Variants in MZF1 observed in about 807,000 individuals in gnomAD.
The protein encoded by MZF1 is zinc finger and SCAN domain-containing protein 6.
Under a neutral mutation model 28.6 loss-of-function variants are expected in MZF1, and 24 were observed. That is an observed-to-expected ratio of 0.84 (90% CI 0.61 to 1.18). MZF1 has a LOEUF of 1.18. Ranked by LOEUF, MZF1 falls within the 50% of genes most tolerant of loss-of-function variation. The pLI, the probability that MZF1 is intolerant of heterozygous loss-of-function variation, is 0.00. For missense variants in MZF1, 1,166 were observed against 1,026.4 expected, an observed-to-expected ratio of 1.14 and a Z score of -1.86; for synonymous variants, 516 against 432.5, an observed-to-expected ratio of 1.19 and a Z score of -2.40.
chr19:58,565,065 C>T (rs1282171060), intron 5 of MZF1, among the ~76,000 whole-genome samples: 2 of 149,980 alleles, frequency 1.3e-5, no homozygotes, highest in Non-Finnish European at 3.0e-5. Context: ...GGATTATAGG[C>T]GTGCACCACC....
chr19:58,562,550 T>A lies in MZF1; in HGVS notation c.1727A>T (p.Lys576Met), dbSNP rs1362928544. 1 of 1,605,204 alleles carries A rather than the reference T, an allele frequency of 6.2e-7. No homozygotes were observed. The highest frequency in any genetic ancestry group is 8.5e-7 in the Non-Finnish European group (1 of 1,177,312). ...GAGCGTAGGCCGCTGGCGGAAGGCC[T>A]TGCCACACTCGGCGCAGGCGAAGGG... is the stretch of plus-strand genomic sequence containing the variant. Reference protein sequence around the residue: ...ERPFACAECGKAFRQRPTLTQ... With the variant: ...ERPFACAECGMAFRQRPTLTQ... Residue 576 changes from lysine (K) to methionine (M), a missense_variant, in exon 6 of 6, where the codon AAG (lysine) becomes ATG (methionine). Lys to Met is a moderately conservative substitution (Grantham distance 95). Transcript: ENST00000215057.
rs765136943 is a variant in MZF1, at chr19:58,562,566, A to T, written c.1711T>A (p.Cys571Ser). Reference protein sequence around the residue: ...RIHTGERPFACAECGKAFRQR... With the variant: ...RIHTGERPFASAECGKAFRQR... Reference sequence around the variant, plus strand: ...CGGAAGGCCTTGCCACACTCGGCGCAGGCGAAGGGCCGCTCCCCGGTGTGG... The same window carrying T: ...CGGAAGGCCTTGCCACACTCGGCGCTGGCGAAGGGCCGCTCCCCGGTGTGG... Residue 571 changes from cysteine (C) to serine (S), a missense_variant, in exon 6 of 6, where the codon TGC (cysteine) becomes AGC (serine). Coordinates refer to ENST00000215057, the MANE Select transcript of MZF1 (RefSeq NM_198055.2). 28 of 1,599,438 alleles carry T rather than the reference A, an allele frequency of 1.8e-5. No homozygotes were observed. In the Admixed American group the frequency reaches 4.5e-4, roughly 26 times the overall value.
chr19:58,562,888 G>A lies in MZF1; in HGVS notation c.1389C>T (p.Gly463=). 6.4e-7 allele frequency: 1 copy of A among 1,566,622 alleles called. No individual in the cohort carries two copies. The highest frequency in any genetic ancestry group is 2.3e-5 in the East Asian group (1 of 43,354). Residue 463 remains glycine (G), a synonymous_variant, in exon 6 of 6, where the codon GGC becomes GGT. Transcript: ENST00000215057. ...SNLLQHQRIH[G]DPPGPGAKPP... The stretch of plus-strand genomic sequence containing the variant: ...GCTTAGCGCCAGGGCCCGGGGGATC[G>A]CCGTGGATGCGCTGGTGCTGCAGCA...
In MZF1 at chr19:58,564,898, G is replaced by GTTTTTTTT. The variant is rs1600099960; in HGVS notation, c.773-1395_773-1394insAAAAAAAA. On this transcript the variant is annotated intron_variant, in intron 5 of 5. Coordinates refer to ENST00000215057, the MANE Select transcript of MZF1 (RefSeq NM_198055.2). ...CAGGGTGGAGAATAAGCATCCATGT[G>GTTTTTTTT]TGTGTTTTTTTTTTTTTTTTTTTTT... Among the ~76,000 whole-genome samples the GTTTTTTTT allele has an allele frequency of 1.1e-3, 98 of 91,940 alleles. 18 individuals are homozygous for GTTTTTTTT. The highest frequency in any genetic ancestry group is 4.7e-3 in the African/African-American group (89 of 18,940). 60.3% of individuals were successfully genotyped at this position (91,940 alleles called of 152,430 possible).
chr19:58,569,761 T>C, intron 3 of MZF1, 175 bp from the exon 4 acceptor site: 1 of 581,876 alleles, frequency 1.7e-6, no homozygotes. Context: ...TGAAGCAGAG[T>C]ACCCTGGAAG....
Position 58,568,203 on chromosome 19 carries a change from C to T in MZF1, c.772+1074G>A, listed in dbSNP as rs1477367815. ...AAGGTTACAGTAAGCTATGATGGCA[C>T]CACTGTGCTCTAGTCTGTGTGAAAT... is the stretch of plus-strand genomic sequence containing the variant. On this transcript the variant is annotated intron_variant, in intron 5 of 5. Coordinates refer to ENST00000215057, the MANE Select transcript of MZF1 (RefSeq NM_198055.2). 3.9e-5 allele frequency: 6 copies of T among 152,264 alleles called. 1 individual carries two copies. In the Middle Eastern group the frequency reaches 0.014, roughly 345 times the overall value. 9.4% of individuals were successfully genotyped at this position (152,264 alleles called of 1,614,324 possible). A position where few individuals can be genotyped will look rare whatever the true frequency, so the allele number is the denominator to read the frequency against.
Position 58,562,022 on chromosome 19 carries a change from G to T in MZF1, c.*50C>A. ...GTAATCGCCAGCCTCACAATAACCA[G>T]GGGAGGTAGGTGTTCTGACCATGGC... On this transcript the variant is annotated 3_prime_UTR_variant, in exon 6 of 6. Transcript: ENST00000215057. 1 of 1,515,280 alleles carries T rather than the reference G, an allele frequency of 6.6e-7. No individual in the cohort carries two copies. Among genetic ancestry groups the T allele is most frequent in the Non-Finnish European group, 8.9e-7 (1 of 1,125,894 alleles). 93.9% of individuals were successfully genotyped at this position (1,515,280 alleles called of 1,614,324 possible).
At position 58,563,443 on chromosome 19, in the gene MZF1, G is replaced by A. The variant is rs1439009877; in HGVS notation, c.834C>T (p.His278=). The part of the protein sequence containing the change: ...AGPGSVSPHL[H]VPWDLGMAGL... ...CAGCCATGCCGAGGTCCCAGGGGACGTGGAGGTGAGGGCTTACACTACCTG... is the reference window on the plus strand; with the variant it reads ...CAGCCATGCCGAGGTCCCAGGGGACATGGAGGTGAGGGCTTACACTACCTG... Residue 278 remains histidine, a synonymous_variant, in exon 6 of 6, where the codon CAC becomes CAT. Transcript: ENST00000215057. 3 of 1,585,230 alleles carry A rather than the reference G, an allele frequency of 1.9e-6. No homozygotes were observed. Among genetic ancestry groups the A allele is most frequent in the Non-Finnish European group, 1.7e-6 (2 of 1,165,588 alleles).
chr19:58,568,741 G>C (rs1391098437), intron 5 of MZF1: 2 of 153,564 alleles, frequency 1.3e-5, no homozygotes, highest in Middle Eastern at 3.4e-3. Context: ...GAACATAACA[G>C]AAGATGGGTT....
Position 58,571,230 on chromosome 19 carries a change from C to T in MZF1, c.160G>A (p.Glu54Lys). 6.2e-7 allele frequency: 1 copy of T among 1,612,628 alleles called. No homozygotes were observed. The highest frequency in any genetic ancestry group is 1.1e-5 in the South Asian group (1 of 90,910). Residue 54 changes from glutamate to lysine, a missense_variant, in exon 2 of 6, where the codon GAG becomes AAG. Transcript: ENST00000215057. ...AGGGCCTCTTGGGGCCCTGTGGCCT[C>T]CTCATAGCGGAAGCACCGGAAACGC... ...RLRFRCFRYE[E>K]ATGPQEALAQ...
At chr19:58,569,217 C>A (rs762259356) in intron 5 of MZF1, 60 bp downstream of exon 5, 31 of 1,512,142 alleles carry the variant, frequency 2.1e-5, no homozygotes, top group Non-Finnish European at 2.6e-5. Flanking sequence ...GGAGTGGGGT[C>A]GGCAGAGATG....
chr19:58,564,737 G>C lies in MZF1; in HGVS notation c.773-1233C>G, dbSNP rs571057013. The C allele has an allele frequency of 4.6e-5, 7 of 152,192 alleles. No homozygotes were observed. In the East Asian group the frequency reaches 5.8e-4, roughly 13 times the overall value. 9.4% of individuals were successfully genotyped at this position (152,192 alleles called of 1,614,324 possible). ...ACAGTTGTGTTCCTCCTTGTACTAA[G>C]TGACCTACATACAAGGTTTTCAATG... On this transcript the variant is annotated intron_variant, in intron 5 of 5. Transcript: ENST00000215057.
rs1408980170 is a variant in MZF1 at position 58,562,458 on chromosome 19, T to C, written c.1819A>G (p.Ser607Gly). 1.2e-6 allele frequency: 2 copies of C among 1,600,220 alleles called. No homozygotes were observed. The highest frequency in any genetic ancestry group is 1.7e-6 in the Non-Finnish European group (2 of 1,175,958). ...TGACGCGTGAGCTTGAGGCGCTGGC[T>C]GAAGCGCTGGCCACACTCGGGGCAG... ...FACPECGQRF[S>G]QRLKLTRHQR... Residue 607 changes from serine (S) to glycine (G), a missense_variant, in exon 6 of 6, where the codon AGC (serine) becomes GGC (glycine). Ser to Gly is a moderately conservative substitution (Grantham distance 56). Transcript: ENST00000215057.
rs1156595953 is a variant in MZF1 at position 58,564,808 on chromosome 19, A to G, written c.773-1304T>C. Among the ~76,000 whole-genome samples the G allele has an allele frequency of 2.0e-5, 3 of 150,964 alleles. No individual in the cohort carries two copies. The East Asian group carries it at 5.9e-4, about 30-fold the overall frequency. On this transcript the variant is annotated intron_variant, in intron 5 of 5. Transcript: ENST00000215057. ...AGTGGGGTTCTGTGTAGCTACCCAA[A>G]GATGTAGAGCACTTGCTGCTGTGTA...
Position 58,563,458 on chromosome 19 carries a change from T to C in MZF1, c.819A>G (p.Val273=), listed in dbSNP as rs144231696. Residue 273 remains valine (V), a synonymous_variant, in exon 6 of 6, where the codon GTA becomes GTG. Transcript: ENST00000215057. ...CCCAGGGGACGTGGAGGTGAGGGCT[T>C]ACACTACCTGGACCTGCGGAGATGC... ...LGSISAGPGS[V]SPHLHVPWDL... is the part of the protein sequence containing the mutation. 1.3e-6 allele frequency: 2 copies of C among 1,578,346 alleles called. No individual in the cohort carries two copies. Among genetic ancestry groups the C allele is most frequent in the Non-Finnish European group, 1.7e-6 (2 of 1,161,844 alleles).
At chr19:58,572,684 C>T (rs1263195701) in intron 1 of MZF1, 5 of 1,226,978 alleles carry the variant, frequency 4.1e-6, no homozygotes, top group Admixed American at 4.6e-5. Flanking sequence ...GGGGGCCAAG[C>T]CTCCACTCTT....
At chr19:58,572,964 C>T (rs966365734) in intron 1 of MZF1, 91 bp downstream of exon 1, 4 of 187,434 alleles carry the variant, frequency 2.1e-5, no homozygotes, top group Admixed American at 1.8e-4. Flanking sequence ...CCCGCGCTTC[C>T]GGTCTCACTG....
Position 58,563,024 on chromosome 19 carries a change from C to A in MZF1, c.1253G>T (p.Gly418Val). 1 of 1,602,014 alleles carries A rather than the reference C, an allele frequency of 6.2e-7. No homozygotes were observed. The highest frequency in any genetic ancestry group is 1.1e-5 in the South Asian group (1 of 91,042). The change falls in exon 6 of 6, where the codon GGC (glycine) becomes GTC (valine). Residue 418 changes from glycine (G) to valine (V), a missense_variant. Transcript: ENST00000215057. ...EERPFVCGDC[G>V]QGFVRSARLE... ...GCGCGCGCTGCGCACGAAGCCCTGG[C>A]CACAGTCGCCGCACACGAACGGCCG...
At position 58,569,603 on chromosome 19, in the gene MZF1, G is replaced by T; in HGVS notation, c.581-17C>A. Reference sequence around the variant, plus strand: ...CCAGGAAATCTAGAGAGGAAAACTGGTATCAGGCAGCCTGAGTGAGTTTCC... The same window carrying T: ...CCAGGAAATCTAGAGAGGAAAACTGTTATCAGGCAGCCTGAGTGAGTTTCC... On this transcript the variant is annotated splice_polypyrimidine_tract_variant and intron_variant, in intron 3 of 5. Transcript: ENST00000215057. The T allele has an allele frequency of 6.3e-7, 1 of 1,582,466 alleles. No homozygotes were observed. Among genetic ancestry groups the T allele is most frequent in the Non-Finnish European group, 8.6e-7 (1 of 1,161,354 alleles).
Sources: gnomAD v4.1 joint callset for allele counts (sites outside exome capture counted in the v4.1 genomes callset) on GRCh38, gnomAD v4.1.1 for gene constraint, MANE v1.5 for transcripts, NCBI Gene and HGNC (gene_info 2026-07-23, HGNC 2026-07-21) for gene names.